Variants in CFAP61 observed in about 807,000 individuals in gnomAD.
The protein encoded by CFAP61 is cilia- and flagella-associated protein 61.
CFAP61 carries 107 observed loss-of-function variants against 135.6 expected under a neutral mutation model. That is an observed-to-expected ratio of 0.79 (90% confidence interval 0.67 to 0.93). The LOEUF is 0.93. CFAP61 is among the 40% of genes least tolerant of loss of function. The probability of loss-of-function intolerance (pLI) is 0.00; values close to 1 mark genes in which losing one functional copy is unlikely to be tolerated. For synonymous variants in CFAP61, 575 were observed against 578.5 expected (o/e 0.99, Z 0.09); for missense variants, 1,507 against 1,556.2 (o/e 0.97, Z 0.53).
chr20:20,222,622 C>T (rs577398525), intron 17 of CFAP61, among the ~76,000 whole-genome samples: 36 of 152,194 alleles, frequency 2.4e-4, no homozygotes, highest in Admixed American at 1.7e-3. Flanking sequence ...TTATGCTCTG[C>T]GGGACAGAGG....
intron 25 of CFAP61, among the ~76,000 whole-genome samples, chr20:20,341,462 T>C (rs1235190583): frequency 6.6e-6 from 1 of 152,248 alleles, no homozygotes; most frequent in Non-Finnish European, 1.5e-5. Context: ...TGTTATTGTC[T>C]ACCCAAATTT....
intron 21 of CFAP61, among the ~76,000 whole-genome samples, chr20:20,264,926 A>G (rs920710116): frequency 2.6e-5 from 4 of 152,158 alleles, no homozygotes; most frequent in African/African-American, 9.7e-5. Context: ...TGCAGGCCAT[A>G]TGGTCTCTGT....
At chr20:20,278,721 C>G (rs2053961688) in intron 22 of CFAP61, among the ~76,000 whole-genome samples, 1 of 152,088 alleles carries the variant, frequency 6.6e-6, no homozygotes, top group Admixed American at 6.5e-5. Context: ...ACCCAGAACT[C>G]AAAGGACAGG....
chr20:20,264,728 CA>C (rs200292508), intron 21 of CFAP61, among the ~76,000 whole-genome samples: 1 of 152,022 alleles, frequency 6.6e-6, no homozygotes, highest in African/African-American at 2.4e-5. Context: ...CCCACCTCTA[CA>C]AAAAATACAA....
At chr20:20,112,570 C>T (rs988547701) in intron 8 of CFAP61, among the ~76,000 whole-genome samples, 2 of 152,046 alleles carry the variant, frequency 1.3e-5, no homozygotes, top group African/African-American at 4.8e-5. Flanking sequence ...GAATTTATAG[C>T]AGCTGAACTT....
intron 17 of CFAP61, among the ~76,000 whole-genome samples, chr20:20,216,244 G>A (rs1184333367): frequency 6.6e-6 from 1 of 152,184 alleles, no homozygotes; most frequent in East Asian, 1.9e-4. Context: ...CACGAACACT[G>A]GGACTGTTTA....
At chr20:20,292,209 T>C (rs779137292) in intron 24 of CFAP61, among the ~76,000 whole-genome samples, 1 of 152,188 alleles carries the variant, frequency 6.6e-6, no homozygotes, top group Non-Finnish European at 1.5e-5. Flanking sequence ...AAAGTAACAT[T>C]GTCAGGAACA....
intron 24 of CFAP61, among the ~76,000 whole-genome samples, chr20:20,295,286 A>G (rs1418143190): frequency 6.6e-6 from 1 of 152,198 alleles, no homozygotes; most frequent in African/African-American, 2.4e-5. Context: ...AAGATTTGTT[A>G]ACCACATGGG....
chr20:20,340,619 T>C lies in CFAP61; in HGVS notation c.3423-1212T>C, dbSNP rs145346254. On this transcript the variant is annotated intron_variant, in intron 25 of 26. Transcript: ENST00000245957. ...GCATGGCCCGAGAGCACCTGGGCTG[T>C]TGGAACAGGCAGCACTGGAAATGAG... is the stretch of plus-strand genomic sequence containing the variant. 5.3e-5 allele frequency among the ~76,000 whole-genome samples: 8 copies of C among 151,718 alleles called. No homozygotes were observed. In the East Asian group the frequency reaches 1.6e-3, roughly 30 times the overall value.
At chr20:20,091,059 C>T (rs2047164773) in intron 7 of CFAP61, 83 bp downstream of exon 7, 1 of 1,509,506 alleles carries the variant, frequency 6.6e-7, no homozygotes, top group African/African-American at 1.4e-5. Flanking sequence ...TGCTGGGCAC[C>T]CCTGGAGCTG....
chr20:20,068,869 C>T (rs1459349061), intron 2 of CFAP61, among the ~76,000 whole-genome samples: 1 of 152,182 alleles, frequency 6.6e-6, no homozygotes, highest in Admixed American at 6.5e-5. Flanking sequence ...CTCAGCCTCC[C>T]AAGTAGCTGG....
At chr20:20,256,134 C>T (rs753124175) in intron 20 of CFAP61, among the ~76,000 whole-genome samples, 9 of 152,190 alleles carry the variant, frequency 5.9e-5, no homozygotes, top group Non-Finnish European at 1.2e-4. Context: ...ATCAGTCCAT[C>T]CACCAGCTGA....
At chr20:20,266,200 C>T (rs1455046737) in intron 21 of CFAP61, among the ~76,000 whole-genome samples, 3 of 152,214 alleles carry the variant, frequency 2.0e-5, no homozygotes, top group African/African-American at 7.2e-5. Flanking sequence ...ACTTCAGTCA[C>T]CTTGTGACCT....
chr20:20,245,780 T>C (rs1406016460), intron 18 of CFAP61, among the ~76,000 whole-genome samples: 2 of 152,214 alleles, frequency 1.3e-5, no homozygotes, highest in Non-Finnish European at 2.9e-5. Context: ...TTCCAAGCAG[T>C]TTATTATTAA....
chr20:20,155,507 G>T (rs2052821597), intron 9 of CFAP61, among the ~76,000 whole-genome samples: 1 of 152,128 alleles, frequency 6.6e-6, no homozygotes, highest in Non-Finnish European at 1.5e-5. Context: ...GGAAATATTT[G>T]CAAACTGTGT....
chr20:20,242,227 G>C (rs1013650969), intron 18 of CFAP61, among the ~76,000 whole-genome samples: 4 of 152,144 alleles, frequency 2.6e-5, no homozygotes, highest in African/African-American at 7.2e-5. Context: ...CTTGGTGAAG[G>C]CTTCTTTTTT....
intron 17 of CFAP61, among the ~76,000 whole-genome samples, chr20:20,203,847 A>AG (rs2056742180): frequency 6.6e-6 from 1 of 152,092 alleles, no homozygotes; most frequent in South Asian, 2.1e-4. Flanking sequence ...GGGGTAGATG[A>AG]GGGCTTGTAC....
At chr20:20,230,187 C>T (rs1020974311) in intron 18 of CFAP61, among the ~76,000 whole-genome samples, 2 of 152,000 alleles carry the variant, frequency 1.3e-5, no homozygotes, top group African/African-American at 2.4e-5. Context: ...AGTATTGGGT[C>T]GATTAAATTT....
chr20:20,068,293 C>G (rs2045452588), intron 2 of CFAP61, among the ~76,000 whole-genome samples: 1 of 152,218 alleles, frequency 6.6e-6, no homozygotes, highest in African/African-American at 2.4e-5. Context: ...AGGGAGCACT[C>G]TCAGCTTGAG....
Sources: allele counts gnomAD v4.1 joint callset (sites outside exome capture counted in the v4.1 genomes callset), GRCh38; gene constraint gnomAD v4.1.1; transcripts MANE v1.5; gene names NCBI Gene and HGNC (gene_info 2026-07-23, HGNC 2026-07-21).